TFEC: variants seen among roughly 807,000 people sequenced by gnomAD.
TFEC encodes class E basic helix-loop-helix protein 34.
In TFEC, 31 loss-of-function variants were observed where a neutral mutation model predicts 41.6. The observed-to-expected ratio is 0.74, with a 90% CI of 0.56 to 1.01. The LOEUF (loss-of-function observed/expected upper bound fraction) is 1.01. Among genes scored for constraint, TFEC ranks in the 50% least tolerant of loss-of-function variants. TFEC has a pLI of 0.00. For synonymous variants in TFEC, 143 were observed against 140.6 expected (o/e 1.02, Z -0.12); for missense variants, 402 against 404.1 (o/e 0.99, Z 0.04).
chr7:115,962,788 A>T (rs992200928), intron 3 of TFEC, among the ~76,000 whole-genome samples: 1 of 151,898 alleles, frequency 6.6e-6, no homozygotes, highest in Admixed American at 6.6e-5. Context: ...TAAGAGATTA[A>T]GATCCAGAAT....
In TFEC at chr7:116,071,342, C is replaced by G. The variant is rs528872747; in HGVS notation, c.198+39366G>C. Among the ~76,000 whole-genome samples the G allele has an allele frequency of 4.0e-4, 59 of 147,834 alleles. 1 individual carries two copies. The highest frequency in any genetic ancestry group is 4.3e-4 in the Non-Finnish European group (29 of 66,766). Reference sequence around the variant, plus strand: ...TGACTCTTTCATCACAGCAGGCATACTAGAGTTAAAAAAAAAAAACCTGAA... The same window carrying G: ...TGACTCTTTCATCACAGCAGGCATAGTAGAGTTAAAAAAAAAAAACCTGAA... On this transcript the variant is annotated intron_variant, in intron 3 of 8. Coordinates refer to the TFEC transcript ENST00000484212.
chr7:115,996,697 C>A (rs1483599248), intron 1 of TFEC, among the ~76,000 whole-genome samples: 2 of 152,014 alleles, frequency 1.3e-5, no homozygotes, highest in African/African-American at 2.4e-5. Flanking sequence ...CAGAGGGAAG[C>A]CCACTGCACT....
At chr7:116,016,051 G>A (rs1795177243) in intron 1 of TFEC, among the ~76,000 whole-genome samples, 2 of 152,230 alleles carry the variant, frequency 1.3e-5, no homozygotes, top group South Asian at 4.1e-4. Context: ...AGGGGTAAGA[G>A]AGACTAAAAG....
At chr7:116,154,550 T>C (rs1240517261) in intron 1 of TFEC, among the ~76,000 whole-genome samples, 1 of 152,210 alleles carries the variant, frequency 6.6e-6, no homozygotes, top group Non-Finnish European at 1.5e-5. Context: ...TATATATTAA[T>C]GAACAAGGCA....
chr7:115,994,201 T>C (rs545748338), intron 1 of TFEC, among the ~76,000 whole-genome samples: 4 of 152,030 alleles, frequency 2.6e-5, no homozygotes, highest in African/African-American at 7.2e-5. Flanking sequence ...ATACAAAAAT[T>C]AATTCAAGAT....
At chr7:116,034,628 T>C (rs1326863393), upstream of TFEC, among the ~76,000 whole-genome samples, 2 of 151,288 alleles carry the variant, frequency 1.3e-5, no homozygotes, top group African/African-American at 4.8e-5. Context: ...CGCAAAGACC[T>C]TACACCTGCT....
At chr7:116,051,648 A>G (rs545792248) in intron 3 of TFEC, among the ~76,000 whole-genome samples, 1 of 152,320 alleles carries the variant, frequency 6.6e-6, no homozygotes, top group South Asian at 2.1e-4. Flanking sequence ...GTGCTTATGT[A>G]TCTACACACA....
chr7:116,139,618 T>C (rs1357661684), intron 1 of TFEC, among the ~76,000 whole-genome samples: 3 of 152,066 alleles, frequency 2.0e-5, no homozygotes, highest in Non-Finnish European at 2.9e-5. Context: ...GTAAACCAAA[T>C]CTTAAGAAAC....
chr7:116,056,405 C>G (rs961092823), intron 3 of TFEC, among the ~76,000 whole-genome samples: 6 of 151,996 alleles, frequency 3.9e-5, no homozygotes, highest in Non-Finnish European at 8.8e-5. Flanking sequence ...AGGTGTTTTT[C>G]TCAAAGTATT....
intron 3 of TFEC, among the ~76,000 whole-genome samples, chr7:115,960,580 G>A (rs897646807): frequency 2.0e-5 from 3 of 151,546 alleles, no homozygotes; most frequent in East Asian, 1.9e-4. Context: ...GGTTGCTGTC[G>A]CAGGGAAGCC....
At chr7:116,106,769 G>A (rs185405350) in intron 3 of TFEC, among the ~76,000 whole-genome samples, 97 of 152,282 alleles carry the variant, frequency 6.4e-4, no homozygotes, top group Middle Eastern at 3.4e-3. Context: ...GGCAAGAAAT[G>A]TAATCACATA....
At position 115,942,119 on chromosome 7, in the gene TFEC, A is replaced by C. The variant is rs1361180106; in HGVS notation, c.516-79T>G. 8.0e-6 allele frequency: 11 copies of C among 1,378,998 alleles called. No individual in the cohort carries two copies. In the South Asian group the frequency reaches 1.3e-4, roughly 16 times the overall value. 85.4% of individuals were successfully genotyped at this position (1,378,998 alleles called of 1,614,324 possible). A position where few individuals can be genotyped will look rare whatever the true frequency, so the allele number is the denominator to read the frequency against. On this transcript the variant is annotated intron_variant, in intron 6 of 7. Coordinates refer to ENST00000265440, the MANE Select transcript of TFEC (RefSeq NM_012252.4). ...AAGAACTTACAAAATCTTTTACATT[A>C]ATATGAAATAATGATTTACATGACT...
intron 1 of TFEC, among the ~76,000 whole-genome samples, chr7:116,016,341 G>A (rs535938387): frequency 6.6e-6 from 1 of 152,272 alleles, no homozygotes; most frequent in African/African-American, 2.4e-5. Flanking sequence ...GCTCAGACTA[G>A]GCACCTTCTT....
chr7:116,064,873 T>C (rs1415380369), intron 3 of TFEC, among the ~76,000 whole-genome samples: 1 of 152,174 alleles, frequency 6.6e-6, no homozygotes, highest in African/African-American at 2.4e-5. Context: ...AGATGAGAAC[T>C]GAAATGTTCA....
intron 3 of TFEC, 64 bp downstream of exon 3, chr7:115,974,106 A>G: frequency 7.5e-7 from 1 of 1,340,004 alleles, no homozygotes; most frequent in Non-Finnish European, 1.0e-6. Flanking sequence ...CTAATCAAAT[A>G]TTTTTATTAT....
chr7:116,003,222 C>T (rs1321949005), intron 1 of TFEC, among the ~76,000 whole-genome samples: 4 of 149,412 alleles, frequency 2.7e-5, no homozygotes, highest in African/African-American at 9.9e-5. Context: ...ACACTCCTCT[C>T]TCACATTACC....
rs756333213 is a variant in TFEC at position 115,941,894 on chromosome 7, T to A, written c.662A>T (p.Gln221Leu). 4 of 1,612,910 alleles carry A rather than the reference T, an allele frequency of 2.5e-6. No homozygotes were observed. The highest frequency in any genetic ancestry group is 2.5e-6 in the Non-Finnish European group (3 of 1,179,368). Residue 221 changes from glutamine (Q) to leucine (L), a missense_variant and splice_region_variant, in exon 7 of 8, where the codon CAG (glutamine) becomes CTG (leucine). Transcript: ENST00000265440. ...TCATGGCTACATTCTTATAAAAACC[T>A]GAATCCGAAGTAGAAGTCGCCTGTT... ...QANRRLLLRI[Q>L]ELEIQARTHG... is the part of the protein sequence containing the mutation.
chr7:116,082,132 A>G (rs1057477499), intron 3 of TFEC, among the ~76,000 whole-genome samples: 1 of 152,038 alleles, frequency 6.6e-6, no homozygotes, highest in Non-Finnish European at 1.5e-5. Context: ...CCCACCTATT[A>G]CAACGCTTCT....
intron 1 of TFEC, among the ~76,000 whole-genome samples, chr7:116,023,855 C>T (rs983330755): frequency 4.6e-5 from 7 of 152,118 alleles, no homozygotes; most frequent in African/African-American, 1.7e-4. Context: ...GATTCCATCA[C>T]ACTCTGACTT....
Sources: allele counts gnomAD v4.1 joint callset (sites outside exome capture counted in the v4.1 genomes callset), GRCh38; gene constraint gnomAD v4.1.1; transcripts MANE v1.5; gene names NCBI Gene and HGNC (gene_info 2026-07-23, HGNC 2026-07-21).